SLC17A4: variants seen among roughly 807,000 people sequenced by gnomAD.
SLC17A4 encodes probable small intestine urate exporter.
Under a neutral mutation model 52.5 loss-of-function variants are expected in SLC17A4, and 33 were observed. The ratio of observed to expected loss-of-function variants is 0.63; its 90% CI spans 0.48 to 0.84. The LOEUF (loss-of-function observed/expected upper bound fraction) is 0.84. Among genes scored for constraint, SLC17A4 ranks in the 40% least tolerant of loss-of-function variants. The pLI is 0.00. For synonymous variants in SLC17A4, 225 were observed against 216.2 expected, an observed-to-expected ratio of 1.04 and a Z score of -0.36; for missense variants, 585 against 597.1, an observed-to-expected ratio of 0.98 and a Z score of 0.21.
chr6:25,756,246 G>A (rs566040026), intron 1 of SLC17A4, among the ~76,000 whole-genome samples: 10 of 152,104 alleles, frequency 6.6e-5, no homozygotes, highest in East Asian at 3.9e-4. Context: ...ACTCTGCATC[G>A]CCATGTTGGA....
chr6:25,773,952 A>G (rs1292799095), intron 8 of SLC17A4, among the ~76,000 whole-genome samples: 1 of 152,130 alleles, frequency 6.6e-6, no homozygotes, highest in Non-Finnish European at 1.5e-5. Flanking sequence ...CATATTTATC[A>G]TATTTTAAGG....
chr6:25,770,176 G>C lies in SLC17A4; in HGVS notation c.407G>C (p.Gly136Ala). The C allele has an allele frequency of 6.2e-7, 1 of 1,614,098 alleles. No individual in the cohort carries two copies. Among genetic ancestry groups the C allele is most frequent in the Non-Finnish European group, 8.5e-7 (1 of 1,179,988 alleles). ...IPSGYVAGIF[G>A]AKYVVGAGLF... Reference sequence around the variant, plus strand: ...AGTGGCTATGTGGCTGGAATATTTGGAGCCAAGTATGTGGTTGGTGCTGGC... The same window carrying C: ...AGTGGCTATGTGGCTGGAATATTTGCAGCCAAGTATGTGGTTGGTGCTGGC... Residue 136 changes from glycine (G) to alanine (A), a missense_variant, in exon 4 of 12, where the codon GGA (glycine) becomes GCA (alanine). Gly to Ala is a moderately conservative substitution (Grantham distance 60, BLOSUM62 0). Transcript: ENST00000377905.
In SLC17A4 at chr6:25,764,539, T is replaced by C. The variant is rs555626024; in HGVS notation, c.91+2486T>C. 2.6e-5 allele frequency among the ~76,000 whole-genome samples: 4 copies of C among 152,280 alleles called. No individual in the cohort carries two copies. In the South Asian group the frequency reaches 6.2e-4, roughly 24 times the overall value. ...ACAAACTCTAAATCTTGCAGACAGA[T>C]TTAATACAATTTGGAAGAAATTGAG... On this transcript the variant is annotated intron_variant, in intron 2 of 11. Coordinates refer to ENST00000377905, the MANE Select transcript of SLC17A4 (RefSeq NM_005495.3).
chr6:25,760,211 C>T (rs1310873585), intron 1 of SLC17A4, among the ~76,000 whole-genome samples: 1 of 152,132 alleles, frequency 6.6e-6, no homozygotes, highest in Non-Finnish European at 1.5e-5. Flanking sequence ...GCACATTTTC[C>T]CATGTTTGTT....
chr6:25,768,455 T>C, intron 2 of SLC17A4: 1 of 903,420 alleles, frequency 1.1e-6, no homozygotes, highest in South Asian at 5.0e-5. Flanking sequence ...GATTATAGTA[T>C]TAAGATGAAG....
At position 25,779,275 on chromosome 6, in the gene SLC17A4, A is replaced by G; in HGVS notation, c.*87A>G. The G allele has an allele frequency of 6.4e-7, 1 of 1,555,368 alleles. No homozygotes were observed. Among genetic ancestry groups the G allele is most frequent in the Non-Finnish European group, 8.8e-7 (1 of 1,142,734 alleles). Reference sequence around the variant, plus strand: ...TTTCTCTTTCATGCCTGCTTGACTGATAAGCCATTAGCTAGACCCTGACTA... The same window carrying G: ...TTTCTCTTTCATGCCTGCTTGACTGGTAAGCCATTAGCTAGACCCTGACTA... On this transcript the variant is annotated 3_prime_UTR_variant, in exon 12 of 12. Transcript: ENST00000377905.
intron 2 of SLC17A4, among the ~76,000 whole-genome samples, chr6:25,767,060 G>A (rs1412216225): frequency 6.6e-6 from 1 of 151,946 alleles, no homozygotes; most frequent in Non-Finnish European, 1.5e-5. Context: ...GAGATATAGA[G>A]GAACTCAACA....
At position 25,776,700 on chromosome 6, in the gene SLC17A4, A is replaced by C. The variant is rs761959178; in HGVS notation, c.1093A>C (p.Thr365Pro). 1 of 1,613,914 alleles carries C rather than the reference A, an allele frequency of 6.2e-7. No homozygotes were observed. Residue 365 changes from threonine to proline, a missense_variant, in exon 9 of 12, where the codon ACC becomes CCC. Coordinates refer to ENST00000377905, the MANE Select transcript of SLC17A4 (RefSeq NM_005495.3). ...CTCCAGAAAAATCCTCAGACTCATC[A>C]CCATCAGGAAACTCTTCACTGCCAT... is the stretch of plus-strand genomic sequence containing the variant. ...LLSRKILRLI[T>P]IRKLFTAIGV...
intron 8 of SLC17A4, 104 bp from the exon 9 acceptor site, chr6:25,776,491 G>A (rs559985429): frequency 1.8e-4 from 236 of 1,346,568 alleles, no homozygotes; most frequent in South Asian, 4.0e-4. Flanking sequence ...AAAGTGATGC[G>A]TATATAAAGA....
chr6:25,769,338 G>A (rs978776419), intron 3 of SLC17A4, 148 bp downstream of exon 3: 11 of 765,412 alleles, frequency 1.4e-5, no homozygotes, highest in Non-Finnish European at 2.3e-5. Flanking sequence ...GTATCAGGCC[G>A]AGCATGGTGG....
Position 25,780,071 on chromosome 6 carries a change from T to A in SLC17A4, c.*883T>A, listed in dbSNP as rs1216942628. The A allele has an allele frequency of 6.6e-6, 1 of 152,208 alleles. No homozygotes were observed. Among genetic ancestry groups the A allele is most frequent in the African/African-American group, 2.4e-5 (1 of 41,444 alleles). The allele number at this position is 152,208 out of a possible 1,614,324, so 9.4% of individuals were successfully genotyped here. A position where few individuals can be genotyped will look rare whatever the true frequency, so the allele number is the denominator to read the frequency against. ...ATTAACCTAAAATGTCTCCCAAAGA[T>A]GTATGTAAGACACACACTGCCCTAA... On this transcript the variant is annotated 3_prime_UTR_variant, in exon 12 of 12. Transcript: ENST00000377905.
chr6:25,768,636 G>C (rs1762219366), intron 2 of SLC17A4, among the ~76,000 whole-genome samples: 1 of 152,088 alleles, frequency 6.6e-6, no homozygotes, highest in South Asian at 2.1e-4. Flanking sequence ...CTCTCTCACT[G>C]TCCATACCCA....
At chr6:25,765,992 A>G (rs1761976312) in intron 2 of SLC17A4, among the ~76,000 whole-genome samples, 1 of 151,994 alleles carries the variant, frequency 6.6e-6, no homozygotes, top group Non-Finnish European at 1.5e-5. Context: ...AATAGGAGAC[A>G]GAAGCATTGA....
chr6:25,768,871 C>T (rs1762241468), intron 2 of SLC17A4, 114 bp from the exon 3 acceptor site: 25 of 964,554 alleles, frequency 2.6e-5, no homozygotes, highest in Non-Finnish European at 3.8e-5. Flanking sequence ...GGAATGTCTG[C>T]TCTCCCTATA....
chr6:25,764,190 C>T (rs1230564837), intron 2 of SLC17A4, among the ~76,000 whole-genome samples: 1 of 152,178 alleles, frequency 6.6e-6, no homozygotes. Context: ...GGCCTGCCAC[C>T]TTGGGCCAGA....
intron 2 of SLC17A4, among the ~76,000 whole-genome samples, chr6:25,763,816 A>T (rs867280695): frequency 9.2e-5 from 14 of 152,216 alleles, no homozygotes; most frequent in Non-Finnish European, 1.3e-4. Context: ...CTGTAGACAG[A>T]CATCACTTTG....
chr6:25,769,215 CT>C (rs1439868580), intron 3 of SLC17A4, 25 bp downstream of exon 3: 2 of 1,572,446 alleles, frequency 1.3e-6, no homozygotes, highest in Non-Finnish European at 1.7e-6. Flanking sequence ...ACTCTGGACT[CT>C]TTCTTTGACT....
chr6:25,777,000 C>G, intron 10 of SLC17A4, 41 bp downstream of exon 10: 1 of 1,565,750 alleles, frequency 6.4e-7, no homozygotes, highest in Non-Finnish European at 8.6e-7. Context: ...ACACTCAATT[C>G]AAGTCTAGCA....
chr6:25,761,845 T>C (rs1315164470), intron 1 of SLC17A4, 82 bp from the exon 2 acceptor site: 2 of 748,424 alleles, frequency 2.7e-6, no homozygotes, highest in East Asian at 5.6e-5. Flanking sequence ...ACAGCAACAT[T>C]TGCTCCTAGT....
Sources: allele counts gnomAD v4.1 joint callset (sites outside exome capture counted in the v4.1 genomes callset), GRCh38; gene constraint gnomAD v4.1.1; transcripts MANE v1.5; gene names NCBI Gene and HGNC (gene_info 2026-07-23, HGNC 2026-07-21).